Variants in ERBB4 observed in about 807,000 individuals in gnomAD.
ERBB4 encodes erb-b2 receptor tyrosine kinase 4, also known as receptor tyrosine-protein kinase erbB-4.
In ERBB4, 42 loss-of-function variants were observed where a neutral mutation model predicts 158.0. The observed-to-expected ratio is 0.27, with a 90% CI of 0.21 to 0.34. The LOEUF is 0.34. Ranked by LOEUF, ERBB4 falls within the 10% of genes least tolerant of loss-of-function variation. The pLI is 1.00. For missense variants in ERBB4, 1,333 were observed against 1,624.1 expected, an observed-to-expected ratio of 0.82 and a Z score of 3.08; for synonymous variants, 583 against 558.7, an observed-to-expected ratio of 1.04 and a Z score of -0.61.
intron 2 of ERBB4, among the ~76,000 whole-genome samples, chr2:212,105,585 T>C: frequency 6.6e-6 from 1 of 152,212 alleles, no homozygotes; most frequent in East Asian, 1.9e-4. Flanking sequence ...TTGAATTCAA[T>C]TAAAATGCAT....
intron 1 of ERBB4, among the ~76,000 whole-genome samples, chr2:212,520,909 G>C (rs1692125050): frequency 1.3e-5 from 2 of 151,528 alleles, no homozygotes; most frequent in South Asian, 4.2e-4. Context: ...ATGATGTCAT[G>C]CATAGCCTTT....
intron 12 of ERBB4, among the ~76,000 whole-genome samples, chr2:211,680,724 C>G (rs559391832): frequency 2.0e-5 from 3 of 152,146 alleles, no homozygotes; most frequent in Admixed American, 6.5e-5. Flanking sequence ...TAAAAAGGCC[C>G]CTATGGTAAA....
rs60602351 is a variant in ERBB4 at position 211,540,205 on chromosome 2, T to TATACACAC, written c.2487+21697_2487+21698insGTGTGTAT. 2.8e-4 allele frequency among the ~76,000 whole-genome samples: 41 copies of TATACACAC among 147,840 alleles called. No homozygotes were observed. In the South Asian group the frequency reaches 3.6e-3, roughly 13 times the overall value. On this transcript the variant is annotated intron_variant, in intron 20 of 27. Transcript: ENST00000342788. ...TACATGATTTATATATATATATATA[T>TATACACAC]ACACACACACATATATATAATACAT...
At chr2:211,500,136 T>C (rs1461368775) in intron 20 of ERBB4, among the ~76,000 whole-genome samples, 1 of 152,160 alleles carries the variant, frequency 6.6e-6, no homozygotes, top group Non-Finnish European at 1.5e-5. Flanking sequence ...TATCTGGTCA[T>C]GGTACAGTCG....
At chr2:212,339,521 T>C (rs1299204878) in intron 1 of ERBB4, among the ~76,000 whole-genome samples, 1 of 152,152 alleles carries the variant, frequency 6.6e-6, no homozygotes, top group East Asian at 1.9e-4. Flanking sequence ...AGATTACAAC[T>C]TGATGCAAAT....
chr2:211,868,942 G>GC (rs1457328981), intron 3 of ERBB4, among the ~76,000 whole-genome samples: 1 of 152,064 alleles, frequency 6.6e-6, no homozygotes, highest in African/African-American at 2.4e-5. Context: ...TAACCATGAT[G>GC]CTTGTCTTGA....
chr2:212,181,290 C>G (rs944916116), intron 1 of ERBB4, among the ~76,000 whole-genome samples: 17 of 151,728 alleles, frequency 1.1e-4, no homozygotes, highest in Admixed American at 1.1e-3. Flanking sequence ...ATAGCCATCA[C>G]AGAGATTTTT....
At chr2:212,112,375 G>C (rs2079437789) in intron 2 of ERBB4, among the ~76,000 whole-genome samples, 1 of 151,820 alleles carries the variant, frequency 6.6e-6, no homozygotes, top group African/African-American at 2.4e-5. Context: ...AGCTCTGTCT[G>C]CTCAGGGTCC....
chr2:211,707,189 G>A (rs1243556145), intron 9 of ERBB4, among the ~76,000 whole-genome samples: 1 of 152,116 alleles, frequency 6.6e-6, no homozygotes, highest in Non-Finnish European at 1.5e-5. Flanking sequence ...GGAATGAAAT[G>A]AATTCTGGAA....
chr2:211,898,785 G>T (rs2079160290), intron 3 of ERBB4, among the ~76,000 whole-genome samples: 1 of 151,978 alleles, frequency 6.6e-6, no homozygotes, highest in African/African-American at 2.4e-5. Flanking sequence ...AATTACTTTT[G>T]CTGTTGAAAC....
chr2:211,383,087 C>T lies in ERBB4; in HGVS notation c.*528G>A. Reference sequence around the variant, plus strand: ...GGACAGAAACTGCTGGGGAAAGAAACTGGATTCTCAATTTCAGACACCATC... The same window carrying T: ...GGACAGAAACTGCTGGGGAAAGAAATTGGATTCTCAATTTCAGACACCATC... On this transcript the variant is annotated 3_prime_UTR_variant, in exon 28 of 28. Transcript: ENST00000342788. The T allele has an allele frequency of 1.3e-5, 3 of 232,632 alleles. No individual in the cohort carries two copies. The highest frequency in any genetic ancestry group is 1.7e-5 in the Non-Finnish European group (2 of 117,866). 14.4% of individuals were successfully genotyped at this position (232,632 alleles called of 1,614,324 possible).
At chr2:212,189,419 C>T (rs1264475477) in intron 1 of ERBB4, among the ~76,000 whole-genome samples, 18 of 152,186 alleles carry the variant, frequency 1.2e-4, no homozygotes, top group Admixed American at 1.1e-3. Flanking sequence ...TTCAAGACTT[C>T]TGTCAGCCTC....
intron 1 of ERBB4, among the ~76,000 whole-genome samples, chr2:212,163,456 C>T (rs1445972094): frequency 6.6e-6 from 1 of 152,018 alleles, no homozygotes; most frequent in East Asian, 1.9e-4. Flanking sequence ...AAGGAGTCTG[C>T]AACTAAACTC....
intron 3 of ERBB4, among the ~76,000 whole-genome samples, chr2:211,918,682 T>G (rs1467774170): frequency 6.6e-6 from 1 of 152,146 alleles, no homozygotes; most frequent in Non-Finnish European, 1.5e-5. Flanking sequence ...GCCAATGCCA[T>G]TTCTAGTGAA....
chr2:211,657,906 T>A, intron 15 of ERBB4, 78 bp from the exon 16 acceptor site: 1 of 1,600,362 alleles, frequency 6.2e-7, no homozygotes, highest in Non-Finnish European at 8.6e-7. Flanking sequence ...TGCTCACACA[T>A]GGAGCCTTGG....
intron 20 of ERBB4, among the ~76,000 whole-genome samples, chr2:211,456,295 A>C (rs1409006272): frequency 6.6e-6 from 1 of 152,226 alleles, no homozygotes; most frequent in Non-Finnish European, 1.5e-5. Context: ...TTTGCTAGAC[A>C]GTACAATGTA....
chr2:211,458,270 A>ATT (rs751521536), intron 20 of ERBB4, among the ~76,000 whole-genome samples: 4 of 143,490 alleles, frequency 2.8e-5, no homozygotes, highest in Non-Finnish European at 3.1e-5. Context: ...ACAATGAATA[A>ATT]TTTTTTTTTT....
At chr2:212,271,672 T>A (rs567170100) in intron 1 of ERBB4, among the ~76,000 whole-genome samples, 4 of 151,886 alleles carry the variant, frequency 2.6e-5, no homozygotes, top group South Asian at 2.1e-4. Context: ...CAAGTAGAAA[T>A]CAAGAGGTCA....
At chr2:211,830,790 A>G (rs1001473011) in intron 3 of ERBB4, among the ~76,000 whole-genome samples, 4 of 152,172 alleles carry the variant, frequency 2.6e-5, no homozygotes, top group Admixed American at 2.0e-4. Context: ...AAATGAGATT[A>G]CATTTCATCT....
Sources: allele counts gnomAD v4.1 joint callset (sites outside exome capture counted in the v4.1 genomes callset), GRCh38; gene constraint gnomAD v4.1.1; transcripts MANE v1.5; gene names NCBI Gene and HGNC (gene_info 2026-07-23, HGNC 2026-07-21).